CRYBG1: variants seen among roughly 807,000 people sequenced by gnomAD.
CRYBG1 encodes crystallin beta-gamma domain containing 1.
Under a neutral mutation model 189.2 loss-of-function variants are expected in CRYBG1, and 139 were observed. The observed-to-expected ratio is 0.73, with a 90% confidence interval of 0.64 to 0.85. The LOEUF (loss-of-function observed/expected upper bound fraction) is 0.85, where lower values mean the gene tolerates loss of function less well. CRYBG1 is among the 40% of genes least tolerant of loss of function. The probability of loss-of-function intolerance (pLI) is 0.00; values close to 1 mark genes in which losing one functional copy is unlikely to be tolerated. For synonymous variants in CRYBG1, 1,023 were observed against 1,017.1 expected (o/e 1.01, Z -0.11); for missense variants, 2,611 against 2,675.8 (o/e 0.98, Z 0.53).
chr6:106,498,387 T>C (rs1295819548), intron 2 of CRYBG1, among the ~76,000 whole-genome samples: 1 of 152,124 alleles, frequency 6.6e-6, no homozygotes, highest in Non-Finnish European at 1.5e-5. Flanking sequence ...TCACAGTCCC[T>C]AAAGACACAA....
chr6:106,501,488 G>T (rs1403553650), intron 2 of CRYBG1, among the ~76,000 whole-genome samples: 2 of 152,186 alleles, frequency 1.3e-5, no homozygotes, highest in African/African-American at 4.8e-5. Flanking sequence ...CACCAGTTGA[G>T]AACCATAAAT....
At chr6:106,477,195 G>A (rs777253569) in intron 2 of CRYBG1, among the ~76,000 whole-genome samples, 35 of 152,124 alleles carry the variant, frequency 2.3e-4, no homozygotes, top group Admixed American at 1.3e-4. Context: ...CAAAGATGAC[G>A]TTGTTTTAAT....
Position 106,361,724 on chromosome 6 carries a change from T to A in CRYBG1, c.173+643T>A, listed in dbSNP as rs35335614. Among the ~76,000 whole-genome samples the A allele has an allele frequency of 1.3e-5, 2 of 152,132 alleles. 1 individual carries two copies. Among genetic ancestry groups the A allele is most frequent in the South Asian group, 4.1e-4 (2 of 4,822 alleles). On this transcript the variant is annotated intron_variant, in intron 1 of 21. Coordinates refer to ENST00000633556, the MANE Select transcript of CRYBG1 (RefSeq NM_001371242.2). ...GATTTTTATCATGGTTTTGAAGTGG[T>A]TTTATTCTATATGTATAATTATTCA...
chr6:106,451,859 T>C (rs749031180), intron 2 of CRYBG1, 27 bp downstream of exon 2: 14 of 1,528,676 alleles, frequency 9.2e-6, no homozygotes, highest in Non-Finnish European at 1.1e-5. Flanking sequence ...AATGTTTGAC[T>C]CCCAAGAATA....
chr6:106,392,008 A>G (rs1040666840), intron 1 of CRYBG1, among the ~76,000 whole-genome samples: 2 of 151,384 alleles, frequency 1.3e-5, no homozygotes, highest in Non-Finnish European at 2.9e-5. Flanking sequence ...AAAGCAAGAG[A>G]GTTAATCGTC....
chr6:106,510,493 T>C (rs1045625012), intron 2 of CRYBG1, among the ~76,000 whole-genome samples: 3 of 152,238 alleles, frequency 2.0e-5, no homozygotes, highest in Non-Finnish European at 4.4e-5. Context: ...TCCCCCTTCC[T>C]GGGAGCGCTG....
At chr6:106,525,002 A>G in intron 4 of CRYBG1, 131 bp from the exon 5 acceptor site, 1 of 865,254 alleles carries the variant, frequency 1.2e-6, no homozygotes, top group Non-Finnish European at 1.8e-6. Flanking sequence ...TTTAGCATCC[A>G]TTAGAGTGGA....
intron 4 of CRYBG1, among the ~76,000 whole-genome samples, chr6:106,524,457 T>C (rs868067536): frequency 5.9e-5 from 9 of 152,154 alleles, no homozygotes; most frequent in Admixed American, 2.0e-4. Context: ...TCCCAGCTAC[T>C]CGGGAGGCTG....
intron 2 of CRYBG1, among the ~76,000 whole-genome samples, chr6:106,492,152 A>G (rs1418240512): frequency 6.6e-6 from 1 of 152,086 alleles, no homozygotes; most frequent in Non-Finnish European, 1.5e-5. Context: ...TCAACTACAT[A>G]CTTTAGCAAC....
At chr6:106,375,052 A>G (rs962412730) in intron 1 of CRYBG1, among the ~76,000 whole-genome samples, 5 of 152,246 alleles carry the variant, frequency 3.3e-5, no homozygotes, top group African/African-American at 1.2e-4. Context: ...TAAAGTTTCT[A>G]AAGATAATGA....
chr6:106,514,411 G>C (rs986878327), intron 3 of CRYBG1, among the ~76,000 whole-genome samples: 2 of 152,206 alleles, frequency 1.3e-5, no homozygotes, highest in Non-Finnish European at 2.9e-5. Flanking sequence ...GAGGAGGAGA[G>C]TTCTGATTGG....
At chr6:106,442,004 C>A (rs570660809) in intron 1 of CRYBG1, among the ~76,000 whole-genome samples, 1 of 151,976 alleles carries the variant, frequency 6.6e-6, no homozygotes, top group Non-Finnish European at 1.5e-5. Context: ...TGCAAGTAAC[C>A]TTTAAAGACT....
rs760697957 is a variant in CRYBG1 at position 106,519,788 on chromosome 6, T to C, written c.2580T>C (p.Ser860=). ...TAMPKPQHTF[S]DSQSPAESSP... ...TGCCAAAGCCACAGCATACATTTTC[T>C]GACTCACAGTCCCCTGCTGAGTCAT... Residue 860 remains serine (S), a synonymous_variant, in exon 4 of 22, where the codon TCT becomes TCC. Transcript: ENST00000633556. 1 of 1,614,232 alleles carries C rather than the reference T, an allele frequency of 6.2e-7. No homozygotes were observed. The highest frequency in any genetic ancestry group is 2.2e-5 in the East Asian group (1 of 44,888).
intron 2 of CRYBG1, among the ~76,000 whole-genome samples, chr6:106,476,703 C>A (rs1772341826): frequency 1.3e-5 from 2 of 152,102 alleles, no homozygotes. Flanking sequence ...AGATATAATT[C>A]AATAGATCAT....
At chr6:106,427,870 A>C (rs1290610151) in intron 1 of CRYBG1, among the ~76,000 whole-genome samples, 1 of 152,114 alleles carries the variant, frequency 6.6e-6, no homozygotes, top group African/African-American at 2.4e-5. Context: ...CAGCTCTCCC[A>C]GGCACGCTTG....
At chr6:106,559,862 A>G (rs1205103575) in intron 18 of CRYBG1, among the ~76,000 whole-genome samples, 1 of 152,142 alleles carries the variant, frequency 6.6e-6, no homozygotes, top group Non-Finnish European at 1.5e-5. Context: ...TGGGAGGTCA[A>G]AGTGGGCAGA....
chr6:106,570,224 T>A lies in CRYBG1; in HGVS notation c.*1658T>A, dbSNP rs1050771297. The A allele has an allele frequency of 3.3e-5, 5 of 152,266 alleles. No individual in the cohort carries two copies. Among genetic ancestry groups the A allele is most frequent in the Non-Finnish European group, 5.9e-5 (4 of 68,058 alleles). The allele number at this position is 152,266 out of a possible 1,614,324, so 9.4% of individuals were successfully genotyped here. On this transcript the variant is annotated 3_prime_UTR_variant, in exon 22 of 22. Coordinates refer to ENST00000633556, the MANE Select transcript of CRYBG1 (RefSeq NM_001371242.2). ...TGTTTCTAATTCTAAAATGCTGATC[T>A]TCTCTGGAGTCTATGGTAGGCAATT...
At position 106,561,339 on chromosome 6, in the gene CRYBG1, T is replaced by G. The variant is rs777178458; in HGVS notation, c.5980-3T>G. ...AACAACTGCTGGGGGTTTTGTCTTC[T>G]AGAAGCGAATTTATTTCAGACTTCG... On this transcript the variant is annotated splice_polypyrimidine_tract_variant and splice_region_variant and intron_variant, in intron 19 of 21. Transcript: ENST00000633556. The G allele has an allele frequency of 6.2e-7, 1 of 1,613,754 alleles. No homozygotes were observed. The highest frequency in any genetic ancestry group is 8.5e-7 in the Non-Finnish European group (1 of 1,179,798).
chr6:106,512,588 G>A lies in CRYBG1; in HGVS notation c.1471G>A (p.Gly491Ser), dbSNP rs201345513. 10 of 1,605,004 alleles carry A rather than the reference G, an allele frequency of 6.2e-6. No homozygotes were observed. In the East Asian group the frequency reaches 1.1e-4, roughly 18 times the overall value. The change falls in exon 3 of 22, where the codon GGT becomes AGT. Residue 491 changes from glycine (G) to serine (S), a missense_variant. Around this residue, in one of 3 missense-constraint regions of CRYBG1, gnomAD observed 985 missense variants for 924.4 expected, o/e 1.07. Coordinates refer to ENST00000633556, the MANE Select transcript of CRYBG1 (RefSeq NM_001371242.2). The stretch of plus-strand genomic sequence containing the variant: ...GAGCCCAGAGTCCAAGCCCAGCCCC[G>A]GTACCAAAGGGCAGCTCCGAGGGGA... ...AASPESKPSPGTKGQLRGESD... is the reference protein window; with the variant it reads ...AASPESKPSPSTKGQLRGESD...
Sources: allele counts gnomAD v4.1 joint callset (sites outside exome capture counted in the v4.1 genomes callset), GRCh38; gene constraint gnomAD v4.1.1; regional missense constraint gnomAD v4.1.1; transcripts MANE v1.5; gene names NCBI Gene and HGNC (gene_info 2026-07-23, HGNC 2026-07-21).